Variants in RIMBP2 observed in about 807,000 individuals in gnomAD.
RIMBP2 encodes RIMS binding protein 2.
Under a neutral mutation model 118.6 loss-of-function variants are expected in RIMBP2, and 48 were observed. That is an observed-to-expected ratio of 0.40 (90% confidence interval 0.32 to 0.51). The LOEUF (loss-of-function observed/expected upper bound fraction) is 0.51. Among genes scored for constraint, RIMBP2 ranks in the 20% least tolerant of loss-of-function variants. RIMBP2 has a pLI of 0.41. For synonymous variants in RIMBP2, 762 were observed against 742.9 expected (o/e 1.03, Z -0.42); for missense variants, 1,551 against 1,768.3 (o/e 0.88, Z 2.20).
intron 6 of RIMBP2, among the ~76,000 whole-genome samples, chr12:130,458,373 G>A (rs1174466354): frequency 6.6e-6 from 1 of 152,126 alleles, no homozygotes; most frequent in Non-Finnish European, 1.5e-5. Flanking sequence ...AGCATCGGAG[G>A]GAACCCAAGC....
Position 130,431,938 on chromosome 12 carries a change from T to G in RIMBP2, c.2253+2796A>C. ...CATGTAAACTAATTAGAATGTAAACTAATCTGGAACTAATTTTATAGAAGT... is the reference window on the plus strand; with the variant it reads ...CATGTAAACTAATTAGAATGTAAACGAATCTGGAACTAATTTTATAGAAGT... On this transcript the variant is annotated intron_variant, in intron 14 of 22. Transcript: ENST00000690449. This position sits in a 1 kb window ranked among gnomAD's most constrained non-coding sequence, Gnocchi z 4.0. 1 of 166,876 alleles carries G rather than the reference T, an allele frequency of 6.0e-6. No individual in the cohort carries two copies. Among genetic ancestry groups the G allele is most frequent in the Non-Finnish European group, 1.3e-5 (1 of 77,746 alleles). 10.3% of individuals were successfully genotyped at this position (166,876 alleles called of 1,614,324 possible).
intron 7 of RIMBP2, 56 bp from the exon 8 acceptor site, chr12:130,451,396 C>A: frequency 1.3e-6 from 2 of 1,548,000 alleles, no homozygotes; most frequent in Admixed American, 1.8e-5. Context: ...ATCGTCAAAG[C>A]ACGTTGGTCA....
At chr12:130,556,079 G>C (rs1566255841) in intron 2 of RIMBP2, among the ~76,000 whole-genome samples, 1 of 152,212 alleles carries the variant, frequency 6.6e-6, no homozygotes, top group Non-Finnish European at 1.5e-5. Context: ...CACTGTGCTA[G>C]ATTCTGACCG....
chr12:130,636,438 T>C (rs776178094), intron 1 of RIMBP2, among the ~76,000 whole-genome samples: 22 of 152,172 alleles, frequency 1.4e-4, no homozygotes, highest in Non-Finnish European at 2.8e-4. Context: ...CTTTGTTTTT[T>C]TACCAGCTGA....
intron 2 of RIMBP2, among the ~76,000 whole-genome samples, chr12:130,625,167 C>G (rs2061548706): frequency 6.6e-6 from 1 of 152,220 alleles, no homozygotes; most frequent in Admixed American, 6.5e-5. Context: ...ATGCTAGGCA[C>G]TTTCAAATTA....
intron 1 of RIMBP2, among the ~76,000 whole-genome samples, chr12:130,691,282 G>C (rs1038467801): frequency 6.6e-6 from 1 of 152,180 alleles, no homozygotes; most frequent in Non-Finnish European, 1.5e-5. Flanking sequence ...AAGGCCCAGC[G>C]GAACCAACCC....
At chr12:130,399,965 T>A in intron 21 of RIMBP2, 152 bp from the exon 22 acceptor site, 1 of 809,822 alleles carries the variant, frequency 1.2e-6, no homozygotes, top group Admixed American at 2.8e-5. Context: ...TAAATCAGGG[T>A]TTCCAAATTT....
intron 1 of RIMBP2, among the ~76,000 whole-genome samples, chr12:130,674,734 C>A (rs7294979): frequency 0.1 from 15,850 of 152,088 alleles, 944 homozygotes; most frequent in East Asian, 0.23. Context: ...TCACCCCAAG[C>A]CGAAACCCCA....
At chr12:130,701,559 T>C (rs1566468203) in intron 1 of RIMBP2, among the ~76,000 whole-genome samples, 1 of 151,846 alleles carries the variant, frequency 6.6e-6, no homozygotes, top group African/African-American at 2.4e-5. Context: ...CGTCTGAACA[T>C]GGGGTGAAAA....
chr12:130,532,499 G>A (rs928019756), intron 2 of RIMBP2, among the ~76,000 whole-genome samples: 25 of 149,902 alleles, frequency 1.7e-4, no homozygotes, highest in Admixed American at 2.6e-4. Context: ...AATGAGATGC[G>A]TGTGTTCAGC....
chr12:130,442,073 A>T lies in RIMBP2; in HGVS notation c.1279T>A (p.Ser427Thr). The change falls in exon 11 of 23, where the codon TCC becomes ACC. Residue 427 changes from serine to threonine, a missense_variant. Ser to Thr is a moderately conservative substitution (Grantham distance 58). Transcript: ENST00000690449. This position sits in a 1 kb window ranked among gnomAD's most constrained non-coding sequence, Gnocchi z 6.9. ...DNITQISAQL[S>T]WLPTNSNYSH... Reference sequence around the variant, plus strand: ...TAGTTGCTGTTGGTGGGTAGCCAGGAGAGCTGGGCGGAGATCTGCGTGATG... The same window carrying T: ...TAGTTGCTGTTGGTGGGTAGCCAGGTGAGCTGGGCGGAGATCTGCGTGATG... The T allele has an allele frequency of 6.2e-7, 1 of 1,614,140 alleles. No individual in the cohort carries two copies. The highest frequency in any genetic ancestry group is 8.5e-7 in the Non-Finnish European group (1 of 1,180,038).
intron 7 of RIMBP2, 86 bp from the exon 8 acceptor site, chr12:130,451,426 T>C: frequency 7.3e-7 from 1 of 1,376,958 alleles, no homozygotes; most frequent in Non-Finnish European, 9.8e-7. Flanking sequence ...CCGGGGTGCC[T>C]TTCCCCTCTT....
Position 130,580,811 on chromosome 12 carries a change from G to A in RIMBP2, c.-217+47511C>T, listed in dbSNP as rs190188344. On this transcript the variant is annotated intron_variant, in intron 2 of 22. Transcript: ENST00000690449. ...AAAAATTAGCTGGGCGTGGTGGTGG[G>A]CACCTGTAATCCCAGCTACTTGGGA... is the stretch of plus-strand genomic sequence containing the variant. Among the ~76,000 whole-genome samples, 55 of 152,152 alleles carry A rather than the reference G, an allele frequency of 3.6e-4. No individual in the cohort carries two copies. The East Asian group carries it at 0.011, about 30-fold the overall frequency.
At chr12:130,522,890 A>G (rs2052307805) in intron 2 of RIMBP2, among the ~76,000 whole-genome samples, 1 of 152,064 alleles carries the variant, frequency 6.6e-6, no homozygotes, top group Admixed American at 6.5e-5. Flanking sequence ...AGGTCATGAG[A>G]TCCTAATCCA....
Position 130,469,494 on chromosome 12 carries a change from AT to A in RIMBP2, c.153+1198del, listed in dbSNP as rs1347281037. Among the ~76,000 whole-genome samples the A allele has an allele frequency of 6.6e-6, 1 of 152,016 alleles. No homozygotes were observed. Among genetic ancestry groups the A allele is most frequent in the Non-Finnish European group, 1.5e-5 (1 of 67,982 alleles). Reference sequence around the variant, plus strand: ...TAACTCAGGCCAGGGAAAGTGAATTATTTTCCAGGGAGATAAATGGCCATTT... The same window carrying A: ...TAACTCAGGCCAGGGAAAGTGAATTATTTCCAGGGAGATAAATGGCCATTT... On this transcript the variant is annotated intron_variant, in intron 6 of 22. Coordinates refer to ENST00000690449, the MANE Select transcript of RIMBP2 (RefSeq NM_001393629.1). The surrounding 1 kb of genome is among the most constrained non-coding windows in gnomAD (Gnocchi z 4.8).
At chr12:130,590,645 C>T (rs1037979946) in intron 2 of RIMBP2, among the ~76,000 whole-genome samples, 5 of 152,210 alleles carry the variant, frequency 3.3e-5, no homozygotes, top group Non-Finnish European at 7.3e-5. Context: ...GCAGGTGGAG[C>T]TCCCTGCATT....
At chr12:130,476,422 C>T (rs1048532110) in intron 5 of RIMBP2, among the ~76,000 whole-genome samples, 5 of 152,138 alleles carry the variant, frequency 3.3e-5, no homozygotes, top group African/African-American at 1.2e-4. Context: ...GGGATGAGGG[C>T]CAGTCTTCAG....
intron 1 of RIMBP2, among the ~76,000 whole-genome samples, chr12:130,653,644 C>T (rs563420292): frequency 1.1e-4 from 17 of 152,208 alleles, no homozygotes; most frequent in East Asian, 1.9e-4. Flanking sequence ...CCTGTCCTAG[C>T]GGAGCTTTTC....
intron 4 of RIMBP2, among the ~76,000 whole-genome samples, chr12:130,500,676 T>C (rs2049671401): frequency 6.6e-6 from 1 of 152,120 alleles, no homozygotes; most frequent in African/African-American, 2.4e-5. Flanking sequence ...GAATGCACAT[T>C]GGCACAGCTC....
Sources: allele counts gnomAD v4.1 joint callset (sites outside exome capture counted in the v4.1 genomes callset), GRCh38; gene constraint gnomAD v4.1.1; non-coding constraint Gnocchi (gnomAD v3.1); transcripts MANE v1.5; gene names NCBI Gene and HGNC (gene_info 2026-07-23, HGNC 2026-07-21).